Variants in RBM33 observed in about 807,000 individuals in gnomAD.
The protein encoded by RBM33 is RNA-binding protein 33.
Under a neutral mutation model 132.6 loss-of-function variants are expected in RBM33, and 28 were observed. The observed-to-expected ratio is 0.21, with a 90% CI of 0.16 to 0.29. RBM33 has a LOEUF of 0.29. Ranked by LOEUF, RBM33 falls within the 10% of genes least tolerant of loss-of-function variation. RBM33 has a pLI of 1.00. For missense variants in RBM33, 1,291 were observed against 1,518.5 expected (o/e 0.85, Z 2.49); for synonymous variants, 634 against 593.0 (o/e 1.07, Z -1.01).
rs1054864832 is a variant in RBM33, at chr7:155,778,264, T to C, written c.*3223T>C. The C allele has an allele frequency of 6.6e-6, 1 of 152,358 alleles. No homozygotes were observed. The highest frequency in any genetic ancestry group is 2.4e-5 in the African/African-American group (1 of 41,466). The allele number at this position is 152,358 out of a possible 1,614,324, so 9.4% of individuals were successfully genotyped here. On this transcript the variant is annotated 3_prime_UTR_variant, in exon 18 of 18. Coordinates refer to ENST00000401878, the MANE Select transcript of RBM33 (RefSeq NM_053043.3). The surrounding 1 kb of genome is among the most constrained non-coding windows in gnomAD (Gnocchi z 4.0). ...TGTAAAGGTCTCAGGCAAACAGTTG[T>C]TGAAGCTTGCTTCTGTGGCATTTCT...
At chr7:155,655,705 G>T (rs58753512) in intron 1 of RBM33, among the ~76,000 whole-genome samples, 4,415 of 151,912 alleles carry the variant, frequency 0.029, 212 homozygotes, top group African/African-American at 0.1. Flanking sequence ...GACAAGTAGG[G>T]AGCATATGCA....
At position 155,756,794 on chromosome 7, in the gene RBM33, A is replaced by G. The variant is rs997044023; in HGVS notation, c.2980-7018A>G. ...GCAGCAAAATTTGGGCAGAAACGTC[A>G]CCAGCAGTTTCCAGATAGCCGGGTA... On this transcript the variant is annotated intron_variant, in intron 14 of 17. Transcript: ENST00000401878. Among the ~76,000 whole-genome samples the G allele has an allele frequency of 5.9e-5, 9 of 152,138 alleles. No homozygotes were observed. The East Asian group carries it at 1.7e-3, about 29-fold the overall frequency.
chr7:155,648,036 C>G (rs1303726915), intron 1 of RBM33, among the ~76,000 whole-genome samples: 12 of 152,254 alleles, frequency 7.9e-5, no homozygotes, highest in Non-Finnish European at 1.5e-4. Flanking sequence ...CTGAGCTAAT[C>G]TGATTTTATA....
intron 14 of RBM33, among the ~76,000 whole-genome samples, chr7:155,750,816 A>T (rs767140012): frequency 2.0e-5 from 3 of 152,166 alleles, no homozygotes; most frequent in Non-Finnish European, 2.9e-5. Context: ...ATTCTAATCA[A>T]GTTAATGAAA....
intron 2 of RBM33, among the ~76,000 whole-genome samples, chr7:155,670,477 A>G (rs144488431): frequency 6.6e-6 from 1 of 152,340 alleles, no homozygotes; most frequent in African/African-American, 2.4e-5. Flanking sequence ...GTCCAGCTTT[A>G]CGATGACAAG....
chr7:155,712,414 G>A (rs993806381), intron 8 of RBM33, among the ~76,000 whole-genome samples: 13 of 152,194 alleles, frequency 8.5e-5, no homozygotes, highest in African/African-American at 3.1e-4. Context: ...GAACAAACCA[G>A]ACAAAGCTTT....
At position 155,775,157 on chromosome 7, in the gene RBM33, C is replaced by A; in HGVS notation, c.*116C>A. On this transcript the variant is annotated 3_prime_UTR_variant, in exon 18 of 18. Transcript: ENST00000401878. ...CAGGTCTCTCCGGGCCGCTGTCCTG[C>A]GTAACTGTTCTCCAGAGCGCCAGCC... The A allele has an allele frequency of 1.1e-6, 1 of 915,194 alleles. No individual in the cohort carries two copies. Among genetic ancestry groups the A allele is most frequent in the Non-Finnish European group, 1.8e-6 (1 of 554,900 alleles). 56.7% of individuals were successfully genotyped at this position (915,194 alleles called of 1,614,324 possible). A position where few individuals can be genotyped will look rare whatever the true frequency, so the allele number is the denominator to read the frequency against.
Position 155,745,655 on chromosome 7 carries a change from T to A in RBM33, c.2979+53T>A. On this transcript the variant is annotated intron_variant, in intron 14 of 17. Transcript: ENST00000401878. The surrounding 1 kb of genome is among the most constrained non-coding windows in gnomAD (Gnocchi z 4.1). ...CTTTGAGTCTGTGTATCACATAGAA[T>A]GTCCTCATTTGCAGAGAATGTTTTT... 4 of 1,424,374 alleles carry A rather than the reference T, an allele frequency of 2.8e-6. No homozygotes were observed. Among genetic ancestry groups the A allele is most frequent in the Non-Finnish European group, 3.8e-6 (4 of 1,064,122 alleles). The allele number at this position is 1,424,374 out of a possible 1,614,324, so 88.2% of individuals were successfully genotyped here.
intron 8 of RBM33, among the ~76,000 whole-genome samples, chr7:155,713,964 C>T (rs1364541446): frequency 2.0e-5 from 3 of 151,888 alleles, no homozygotes; most frequent in Non-Finnish European, 4.4e-5. Flanking sequence ...TCAGTTCTTC[C>T]TTGGTGGCCT....
chr7:155,681,529 G>A (rs937504613), intron 5 of RBM33, among the ~76,000 whole-genome samples: 27 of 151,940 alleles, frequency 1.8e-4, no homozygotes, highest in African/African-American at 6.3e-4. Flanking sequence ...AAATGTACTA[G>A]TGTAAGATTC....
chr7:155,722,262 TTGCTCTGTCCAGTCTTC>T (rs1355703717), intron 9 of RBM33, among the ~76,000 whole-genome samples: 1 of 152,230 alleles, frequency 6.6e-6, no homozygotes, highest in Non-Finnish European at 1.5e-5. Flanking sequence ...TTTGGGCACT[TTGCTCTGTCCAGTCTTC>T]TGGTCTGGCC....
chr7:155,710,012 G>A (rs774462523), intron 7 of RBM33, among the ~76,000 whole-genome samples: 17 of 152,020 alleles, frequency 1.1e-4, no homozygotes, highest in South Asian at 4.2e-4. Context: ...GTCTCCTTCC[G>A]TCTTCTTTAC....
At chr7:155,754,327 C>T (rs1801778595) in intron 14 of RBM33, among the ~76,000 whole-genome samples, 1 of 152,212 alleles carries the variant, frequency 6.6e-6, no homozygotes, top group Non-Finnish European at 1.5e-5. Flanking sequence ...TTTCAACAGC[C>T]TACCCAGGTA....
intron 16 of RBM33, among the ~76,000 whole-genome samples, chr7:155,772,233 C>G (rs757926616): frequency 2.0e-5 from 3 of 152,076 alleles, no homozygotes; most frequent in Non-Finnish European, 4.4e-5. Context: ...GGAGAGAACC[C>G]CGGAGGCACG....
intron 9 of RBM33, among the ~76,000 whole-genome samples, chr7:155,722,302 A>G (rs1043809184): frequency 2.6e-5 from 4 of 152,124 alleles, no homozygotes; most frequent in African/African-American, 9.7e-5. Flanking sequence ...TTAACCATCT[A>G]CTAGTCCATT....
intron 5 of RBM33, 122 bp from the exon 6 acceptor site, chr7:155,700,651 C>T (rs751044969): frequency 8.7e-6 from 5 of 571,576 alleles, no homozygotes; most frequent in Non-Finnish European, 1.4e-5. Flanking sequence ...TTTAACAGGA[C>T]ATTTTGCAGT....
At chr7:155,770,527 ATC>A (rs1217202382) in intron 16 of RBM33, among the ~76,000 whole-genome samples, 1 of 151,202 alleles carries the variant, frequency 6.6e-6, no homozygotes, top group Non-Finnish European at 1.5e-5. Flanking sequence ...AAGAATTTAC[ATC>A]TCTCATGATT....
chr7:155,745,414 C>T lies in RBM33; in HGVS notation c.2791C>T (p.Leu931Phe). 1 of 1,613,800 alleles carries T rather than the reference C, an allele frequency of 6.2e-7. No homozygotes were observed. The highest frequency in any genetic ancestry group is 8.5e-7 in the Non-Finnish European group (1 of 1,179,826). ...TCAGACTCAGCCGCTGCATAAAGTG[C>T]TCCCGATCAAACCTGCAGATGTGGA... ...QSQTQPLHKV[L>F]PIKPADVEEP... Residue 931 changes from leucine to phenylalanine, a missense_variant, in exon 14 of 18, where the codon CTC becomes TTC. Physicochemically the swap from Leu to Phe is conservative, Grantham distance 22. Coordinates refer to ENST00000401878, the MANE Select transcript of RBM33 (RefSeq NM_053043.3). The surrounding 1 kb of genome is among the most constrained non-coding windows in gnomAD (Gnocchi z 4.1).
Position 155,699,528 on chromosome 7 carries a change from G to A in RBM33, c.568-1245G>A, listed in dbSNP as rs538553629. On this transcript the variant is annotated intron_variant, in intron 5 of 17. Transcript: ENST00000401878. ...AACACTCAGTAGTACAGAAATAACG[G>A]TATCAAACCAGCAAAAATCCTGAGA... is the stretch of plus-strand genomic sequence containing the variant. 1.1e-4 allele frequency among the ~76,000 whole-genome samples: 17 copies of A among 152,266 alleles called. 1 individual carries two copies. The highest frequency in any genetic ancestry group is 2.1e-4 in the Non-Finnish European group (14 of 68,016).
Sources: allele counts gnomAD v4.1 joint callset (sites outside exome capture counted in the v4.1 genomes callset), GRCh38; gene constraint gnomAD v4.1.1; non-coding constraint Gnocchi (gnomAD v3.1); transcripts MANE v1.5; gene names NCBI Gene and HGNC (gene_info 2026-07-23, HGNC 2026-07-21).